The following APOL2 variants were observed in gnomAD, a reference collection of about 807,000 sequenced individuals.
APOL2 encodes apolipoprotein L, 2.
A neutral mutation model predicts 7.1 loss-of-function variants in APOL2; 8 were observed. The observed-to-expected ratio is 1.12, with a 90% CI of 0.66 to 2.03. The LOEUF is 2.03. APOL2 is among the 30% of genes most tolerant of loss of function. The pLI is 0.00. For synonymous variants in APOL2, 177 were observed against 159.9 expected, an observed-to-expected ratio of 1.11 and a Z score of -0.81; for missense variants, 471 against 415.1, an observed-to-expected ratio of 1.13 and a Z score of -1.17.
chr22:36,227,425 C>A lies in APOL2; in HGVS notation c.993G>T (p.Leu331=), dbSNP rs974556301. ...LNFLTKIHEM[L]QPGQDQ is the part of the protein sequence containing the mutation. ...GGGGTCATTGGTCTTGGCCTGGCTG[C>A]AGCATCTCATGGATCTTGGTGAGAA... The change falls in exon 5 of 5, where the codon CTG becomes CTT. Residue 331 remains leucine (L), a synonymous_variant. Transcript: ENST00000358502. 1 of 1,608,236 alleles carries A rather than the reference C, an allele frequency of 6.2e-7. No individual in the cohort carries two copies. Among genetic ancestry groups the A allele is most frequent in the African/African-American group, 1.3e-5 (1 of 74,856 alleles).
upstream of APOL2, chr22:36,239,637 C>T (rs1179202594): frequency 5.2e-6 from 4 of 771,226 alleles, no homozygotes; most frequent in Non-Finnish European, 8.7e-6. Context: ...ACGCTGCTCC[C>T]CAGCACCACC....
chr22:36,228,593 G>A (rs2015107829), intron 4 of APOL2, among the ~76,000 whole-genome samples: 1 of 152,196 alleles, frequency 6.6e-6, no homozygotes, highest in Admixed American at 6.5e-5. Context: ...TGTTTGGAGA[G>A]GGAAAACTCT....
chr22:36,231,138 T>C (rs1332371566), intron 4 of APOL2, among the ~76,000 whole-genome samples: 1 of 152,246 alleles, frequency 6.6e-6, no homozygotes, highest in Non-Finnish European at 1.5e-5. Context: ...TCCTGTGGGC[T>C]TCCTATCCCC....
intron 1 of APOL2, chr22:36,236,940 T>A: frequency 7.5e-7 from 1 of 1,324,972 alleles, no homozygotes; most frequent in Non-Finnish European, 9.6e-7. Context: ...TCCTGCTTTG[T>A]TCACTCTGTG....
At chr22:36,229,446 G>A (rs1041196689) in intron 4 of APOL2, among the ~76,000 whole-genome samples, 1 of 152,180 alleles carries the variant, frequency 6.6e-6, no homozygotes, top group Admixed American at 6.5e-5. Flanking sequence ...GAGCTTCCCT[G>A]GTTGGCAACA....
chr22:36,236,615 C>T, intron 1 of APOL2: 1 of 985,368 alleles, frequency 1.0e-6, no homozygotes, highest in Non-Finnish European at 1.2e-6. Context: ...CTGCGCACTC[C>T]CCGGCACACC....
intron 1 of APOL2, chr22:36,234,336 C>A (rs1387317471): frequency 2.0e-5 from 3 of 152,146 alleles, no homozygotes; most frequent in African/African-American, 7.2e-5. Context: ...GTAGTCTTTT[C>A]TTCAGGAAAA....
intron 1 of APOL2, chr22:36,239,186 G>T: frequency 7.9e-7 from 1 of 1,267,428 alleles, no homozygotes; most frequent in Admixed American, 3.7e-5. Context: ...AACCAGAGCT[G>T]AGCCCGGGGA....
chr22:36,237,434 T>A, intron 1 of APOL2: 1 of 1,113,910 alleles, frequency 9.0e-7, no homozygotes, highest in Admixed American at 4.9e-5. Flanking sequence ...TTTGAGAAAC[T>A]GTCTTGCTCT....
At chr22:36,238,780 C>G (rs2015499119) in intron 1 of APOL2, among the ~76,000 whole-genome samples, 1 of 152,186 alleles carries the variant, frequency 6.6e-6, no homozygotes, top group Non-Finnish European at 1.5e-5. Flanking sequence ...TCTCTATCAG[C>G]TCAGAGGTCT....
Position 36,228,157 on chromosome 22 carries a change from C to T in APOL2, c.261G>A (p.Arg87=), listed in dbSNP as rs773739602. The part of the protein sequence containing the change: ...HRQWFLKEFP[R]LKRELEDHIR... ...TGTGATCCTCAAGCTCCCTTTTCAACCGAGGAAACTCTTTCAAAAACCACT... is the reference window on the plus strand; with the variant it reads ...TGTGATCCTCAAGCTCCCTTTTCAATCGAGGAAACTCTTTCAAAAACCACT... The change falls in exon 5 of 5, where the codon CGG becomes CGA. Residue 87 remains arginine (R), a synonymous_variant. Coordinates refer to ENST00000358502, the MANE Select transcript of APOL2 (RefSeq NM_030882.4). 4 of 1,614,120 alleles carry T rather than the reference C, an allele frequency of 2.5e-6. No individual in the cohort carries two copies. The South Asian group carries it at 3.3e-5, about 13-fold the overall frequency.
intron 1 of APOL2, 68 bp from the exon 2 acceptor site, chr22:36,233,523 G>T: frequency 7.2e-7 from 1 of 1,385,470 alleles, no homozygotes; most frequent in Non-Finnish European, 1.0e-6. Flanking sequence ...AAACTACAGA[G>T]TCTATACACA....
rs766882066 is a variant in APOL2, at chr22:36,227,697, G to T, written c.721C>A (p.Pro241Thr). ...RANPQLGAYA[P>T]PPHVIGRISA... ...ATTCGCCCAATGACATGCGGGGGTG[G>T]GGCATACGCTCCTAACTGAGGGTTG... is the stretch of plus-strand genomic sequence containing the variant. Residue 241 changes from proline (P) to threonine (T), a missense_variant, in exon 5 of 5, where the codon CCA (proline) becomes ACA (threonine). Coordinates refer to ENST00000358502, the MANE Select transcript of APOL2 (RefSeq NM_030882.4). 1 of 1,613,964 alleles carries T rather than the reference G, an allele frequency of 6.2e-7. No individual in the cohort carries two copies. The highest frequency in any genetic ancestry group is 1.3e-5 in the African/African-American group (1 of 74,912).
At chr22:36,237,944 T>A (rs1603481091) in intron 1 of APOL2, among the ~76,000 whole-genome samples, 1 of 151,768 alleles carries the variant, frequency 6.6e-6, no homozygotes, top group African/African-American at 2.4e-5. Flanking sequence ...CCCTGGAATG[T>A]CCCCCCCACT....
chr22:36,228,210 G>C lies in APOL2; in HGVS notation c.208C>G (p.Arg70Gly), dbSNP rs748565716. 6.2e-7 allele frequency: 1 copy of C among 1,614,180 alleles called. No homozygotes were observed. Among genetic ancestry groups the C allele is most frequent in the Non-Finnish European group, 8.5e-7 (1 of 1,180,024 alleles). The change falls in exon 5 of 5, where the codon CGC (arginine) becomes GGC (glycine). Residue 70 changes from arginine (R) to glycine (G), a missense_variant. By Grantham distance (125) the Arg-to-Gly change is moderately radical (BLOSUM62 -2). Coordinates refer to ENST00000358502, the MANE Select transcript of APOL2 (RefSeq NM_030882.4). ...CTGTGCTGCTGGTCTTTATCGTGGCGGTTTTTGTCCTTCATGACCATGTGA... is the reference window on the plus strand; with the variant it reads ...CTGTGCTGCTGGTCTTTATCGTGGCCGTTTTTGTCCTTCATGACCATGTGA... Reference protein sequence around the residue: ...ASHMVMKDKNRHDKDQQHRQW... With the variant: ...ASHMVMKDKNGHDKDQQHRQW...
At chr22:36,237,115 T>C (rs753647835) in intron 1 of APOL2, 3 of 1,534,072 alleles carry the variant, frequency 2.0e-6, no homozygotes, top group African/African-American at 1.4e-5. Context: ...TGGGTCATTG[T>C]TGGCCTGGCT....
At position 36,239,354 on chromosome 22, in the gene APOL2, T is replaced by C; in HGVS notation, c.-134+87A>G. 4.2e-6 allele frequency: 6 copies of C among 1,418,390 alleles called. No homozygotes were observed. In the South Asian group the frequency reaches 8.2e-5, roughly 19 times the overall value. The allele number at this position is 1,418,390 out of a possible 1,614,324, so 87.9% of individuals were successfully genotyped here. A position where few individuals can be genotyped will look rare whatever the true frequency, so the allele number is the denominator to read the frequency against. ...AACCAGCTACCTAACCTCTCTGAGC[T>C]TATCTACAAAAGCTGAATGATCCTT... On this transcript the variant is annotated intron_variant, in intron 1 of 4. Transcript: ENST00000358502.
chr22:36,238,354 T>C (rs2015480966), intron 1 of APOL2, among the ~76,000 whole-genome samples: 1 of 152,218 alleles, frequency 6.6e-6, no homozygotes, highest in Non-Finnish European at 1.5e-5. Flanking sequence ...GAAGAACAAA[T>C]AAGACCATGA....
At chr22:36,239,332 CA>C in intron 1 of APOL2, 108 bp downstream of exon 1, 1 of 1,346,216 alleles carries the variant, frequency 7.4e-7, no homozygotes, top group Non-Finnish European at 9.8e-7. Flanking sequence ...TGATCTGAAC[CA>C]GCTACCTAAC....
Sources: gnomAD v4.1 joint callset for allele counts (sites outside exome capture counted in the v4.1 genomes callset) on GRCh38, gnomAD v4.1.1 for gene constraint, MANE v1.5 for transcripts, NCBI Gene and HGNC (gene_info 2026-07-23, HGNC 2026-07-21) for gene names.